The following DMD variants were observed in gnomAD, a reference collection of about 807,000 sequenced individuals.
The protein encoded by DMD is dystrophin, also known as mutant dystrophin.
DMD carries 63 observed loss-of-function variants against 330.1 expected under a neutral mutation model. The observed-to-expected ratio is 0.19, with a 90% CI of 0.16 to 0.24. DMD has a LOEUF of 0.24. Ranked by LOEUF, DMD falls within the 10% of genes least tolerant of loss-of-function variation. DMD has a pLI of 1.00. For missense variants in DMD, 3,344 were observed against 2,684.1 expected (o/e 1.25, Z -5.43); for synonymous variants, 1,223 against 959.8 (o/e 1.27, Z -5.07).
At chrX:32,052,311 T>A (rs2096122405) in intron 44 of DMD, among the ~76,000 whole-genome samples, 1 of 110,860 alleles carries the variant, frequency 9.0e-6, no homozygotes, top group Non-Finnish European at 1.9e-5. Flanking sequence ...GAAATTTAGA[T>A]TCTTGACCCC....
At chrX:33,261,500 G>C (rs1220405773) in intron 1 of DMD, among the ~76,000 whole-genome samples, 1 of 109,879 alleles carries the variant, frequency 9.1e-6, no homozygotes, top group African/African-American at 3.3e-5. Context: ...ACTGCTTGAA[G>C]TCACAAGTTA....
At chrX:31,396,036 A>T (rs1342573236) in intron 60 of DMD, among the ~76,000 whole-genome samples, 1 of 111,849 alleles carries the variant, frequency 8.9e-6, no homozygotes, top group Non-Finnish European at 1.9e-5. Flanking sequence ...ATGGCAGTGA[A>T]CCTTGTAGCT....
At chrX:33,060,833 A>G (rs2094573748) in intron 1 of DMD, among the ~76,000 whole-genome samples, 1 of 73,264 alleles carries the variant, frequency 1.4e-5, no homozygotes, top group South Asian at 7.5e-4. Context: ...GTGAAACTTC[A>G]TTTCAAAAAA....
intron 47 of DMD, 23 bp downstream of exon 47, chrX:31,929,573 G>T (rs375794986): frequency 2.5e-6 from 3 of 1,205,754 alleles, no homozygotes; most frequent in Non-Finnish European, 3.4e-6. Context: ...CACATGTGAC[G>T]GAAGAGATGG....
chrX:31,358,051 T>C (rs2058754485), intron 60 of DMD, among the ~76,000 whole-genome samples: 1 of 110,377 alleles, frequency 9.1e-6, no homozygotes, highest in Non-Finnish European at 1.9e-5. Context: ...CTCTACGGTC[T>C]CTCTCCCTCT....
intron 55 of DMD, among the ~76,000 whole-genome samples, chrX:31,590,208 T>C (rs990562800): frequency 2.7e-5 from 3 of 111,498 alleles, no homozygotes; most frequent in Admixed American, 9.6e-5. Context: ...CCCTTGATAA[T>C]TGAAATACAC....
At chrX:31,531,861 G>A (rs745837427) in intron 55 of DMD, among the ~76,000 whole-genome samples, 26 of 95,363 alleles carry the variant, frequency 2.7e-4, no homozygotes, top group East Asian at 1.0e-3. Context: ...GAGCCGATGC[G>A]ATCAACTGGA....
At chrX:31,356,491 G>A (rs760850864) in intron 60 of DMD, among the ~76,000 whole-genome samples, 3 of 111,240 alleles carry the variant, frequency 2.7e-5, no homozygotes, top group Non-Finnish European at 5.7e-5. Context: ...CAAGACAAGC[G>A]AGGCAGGATA....
intron 4 of DMD, among the ~76,000 whole-genome samples, chrX:32,844,480 G>A (rs2080475967): frequency 9.1e-6 from 1 of 110,485 alleles, no homozygotes; most frequent in Non-Finnish European, 1.9e-5. Context: ...AAAAGAAACC[G>A]AGTTGACTGC....
chrX:32,603,202 G>A (rs764832502), intron 12 of DMD, among the ~76,000 whole-genome samples: 88 of 111,057 alleles, frequency 7.9e-4, no homozygotes, highest in African/African-American at 2.7e-3. Flanking sequence ...CTAGAAATGA[G>A]TACCAAGAAG....
At chrX:32,061,327 C>T (rs1393418900) in intron 44 of DMD, among the ~76,000 whole-genome samples, 2 of 111,026 alleles carry the variant, frequency 1.8e-5, no homozygotes, top group African/African-American at 6.5e-5. Flanking sequence ...CTCCTGTTAA[C>T]CAATTTCACC....
chrX:31,231,691 C>A (rs1169172046), intron 63 of DMD, among the ~76,000 whole-genome samples: 1 of 112,230 alleles, frequency 8.9e-6, no homozygotes, highest in Non-Finnish European at 1.9e-5. Context: ...CCACCTGGGC[C>A]AACATGGCGA....
intron 62 of DMD, among the ~76,000 whole-genome samples, chrX:31,272,210 C>A (rs184244524): frequency 8.9e-6 from 1 of 111,926 alleles, no homozygotes; most frequent in East Asian, 2.8e-4. Flanking sequence ...CTATATCAAG[C>A]CGAACATCTA....
intron 63 of DMD, among the ~76,000 whole-genome samples, chrX:31,240,285 A>G (rs1230565114): frequency 8.9e-6 from 1 of 111,966 alleles, no homozygotes; most frequent in Non-Finnish European, 1.9e-5. Context: ...CTCAATGTGC[A>G]AAAATGGGCA....
chrX:31,153,626 A>C (rs1045733848), intron 74 of DMD, among the ~76,000 whole-genome samples: 2 of 112,333 alleles, frequency 1.8e-5, no homozygotes, highest in African/African-American at 6.5e-5. Context: ...ATGTTATCTT[A>C]ATCAGAAGCC....
chrX:32,520,143 T>G (rs2046276439), intron 17 of DMD, among the ~76,000 whole-genome samples: 1 of 112,042 alleles, frequency 8.9e-6, no homozygotes. Flanking sequence ...TATGGATTTT[T>G]ATTGTGTCAT....
intron 41 of DMD, among the ~76,000 whole-genome samples, chrX:32,323,686 A>C (rs2097633821): frequency 9.0e-6 from 1 of 111,707 alleles, no homozygotes; most frequent in Non-Finnish European, 1.9e-5. Flanking sequence ...TAGTAAAATG[A>C]TAGTACAAAG....
At chrX:32,853,976 G>A (rs1399271629) in intron 2 of DMD, among the ~76,000 whole-genome samples, 1 of 111,431 alleles carries the variant, frequency 9.0e-6, no homozygotes, top group Non-Finnish European at 1.9e-5. Context: ...TGTAAGAAGA[G>A]ACAAAGATCA....
chrX:31,453,549 C>T (rs890757635), intron 59 of DMD, among the ~76,000 whole-genome samples: 4 of 109,452 alleles, frequency 3.7e-5, no homozygotes, highest in Admixed American at 9.8e-5. Context: ...AGCAGAACAA[C>T]GTAAATGTAT....
Sources: gnomAD v4.1 joint callset for allele counts (sites outside exome capture counted in the v4.1 genomes callset) on GRCh38, gnomAD v4.1.1 for gene constraint, MANE v1.5 for transcripts, NCBI Gene and HGNC (gene_info 2026-07-23, HGNC 2026-07-21) for gene names.